Variants in DCX observed in about 807,000 individuals in gnomAD.
DCX encodes the protein neuronal migration protein doublecortin.
A neutral mutation model predicts 20.9 loss-of-function variants in DCX; 4 were observed. The observed-to-expected ratio is 0.19, with a 90% CI of 0.09 to 0.44. DCX has a LOEUF of 0.44. Among genes scored for constraint, DCX ranks in the 20% least tolerant of loss-of-function variants. DCX has a pLI of 0.99. For synonymous variants in DCX, 103 were observed against 111.4 expected (o/e 0.92, Z 0.47); for missense variants, 133 against 296.9 (o/e 0.45, Z 4.06).
At chrX:111,357,776 G>A (rs1001904550) in intron 3 of DCX, among the ~76,000 whole-genome samples, 2 of 106,311 alleles carry the variant, frequency 1.9e-5, no homozygotes, top group Admixed American at 2.0e-4. Flanking sequence ...AGCGAGGCAC[G>A]TCTCAAAAAG....
At chrX:111,336,394 T>G (rs1233011656) in intron 3 of DCX, among the ~76,000 whole-genome samples, 1 of 112,519 alleles carries the variant, frequency 8.9e-6, no homozygotes, top group East Asian at 2.8e-4. Flanking sequence ...ACAATCATGC[T>G]ACAATCCAGC....
intron 1 of DCX, chrX:111,411,246 C>G (rs1928693569): frequency 3.0e-6 from 1 of 330,728 alleles, no homozygotes; most frequent in Non-Finnish European, 5.3e-6. Context: ...TTTTCCCCCC[C>G]AGGTGCTCCA....
chrX:111,359,829 A>C (rs1204071655), intron 3 of DCX, among the ~76,000 whole-genome samples: 1 of 112,074 alleles, frequency 8.9e-6, no homozygotes, highest in Non-Finnish European at 1.9e-5. Context: ...CCACCAGACT[A>C]GTACAAATTT....
At position 111,410,090 on chromosome X, in the gene DCX, G is replaced by A; in HGVS notation, c.309C>T (p.Tyr103=). The A allele has an allele frequency of 8.3e-7, 1 of 1,211,724 alleles. No homozygotes were observed. The highest frequency in any genetic ancestry group is 1.1e-6 in the Non-Finnish European group (1 of 895,505). ...TCCTGGATCCATCAATGGTGTAAAT[G>A]TAACGCACTCCCTGAGGCAGGTTGA... ...DNINLPQGVR[Y]IYTIDGSRKI... The change falls in exon 2 of 7, where the codon TAC becomes TAT. Residue 103 remains tyrosine (Y), a synonymous_variant. Coordinates refer to ENST00000636035, the MANE Select transcript of DCX (RefSeq NM_001195553.2).
intron 3 of DCX, among the ~76,000 whole-genome samples, chrX:111,379,924 C>T (rs1418802659): frequency 2.7e-5 from 3 of 111,025 alleles, no homozygotes; most frequent in African/African-American, 9.8e-5. Flanking sequence ...TCATTGTAGT[C>T]TCGATTTGCA....
intron 5 of DCX, among the ~76,000 whole-genome samples, chrX:111,325,578 ATTG>A (rs2095097897): frequency 8.9e-6 from 1 of 112,410 alleles, no homozygotes; most frequent in African/African-American, 3.2e-5. Flanking sequence ...ACGTAAAAAG[ATTG>A]TTATCATGAA....
intron 3 of DCX, among the ~76,000 whole-genome samples, chrX:111,399,857 G>T (rs1294088920): frequency 9.0e-6 from 1 of 111,522 alleles, no homozygotes. Context: ...GTAGCTCTCA[G>T]ATCGCAAAAT....
intron 3 of DCX, among the ~76,000 whole-genome samples, chrX:111,382,902 A>C (rs1175719874): frequency 9.0e-6 from 1 of 111,273 alleles, no homozygotes; most frequent in Non-Finnish European, 1.9e-5. Flanking sequence ...GACAAAGAAT[A>C]ACTCAACAAT....
At chrX:111,391,529 A>C (rs1277955222) in intron 3 of DCX, among the ~76,000 whole-genome samples, 1 of 111,012 alleles carries the variant, frequency 9.0e-6, no homozygotes, top group East Asian at 2.8e-4. Flanking sequence ...TCTGCCCGGC[A>C]CCTTACCTGT....
intron 3 of DCX, among the ~76,000 whole-genome samples, chrX:111,392,586 T>G (rs1165716428): frequency 1.8e-5 from 2 of 111,465 alleles, no homozygotes; most frequent in Non-Finnish European, 3.8e-5. Context: ...GATTCATTTA[T>G]ACAAAATGTT....
intron 3 of DCX, among the ~76,000 whole-genome samples, chrX:111,343,914 A>T (rs1200670123): frequency 1.3e-4 from 14 of 111,118 alleles, no homozygotes; most frequent in African/African-American, 4.3e-4. Context: ...TCTGGGAGGC[A>T]GAGGTTGCAG....
chrX:111,307,470 A>C, intron 6 of DCX, among the ~76,000 whole-genome samples: 1 of 111,157 alleles, frequency 9.0e-6, no homozygotes, highest in East Asian at 2.8e-4. Flanking sequence ...CTTGCATATG[A>C]TGAAACAACA....
chrX:111,318,361 T>TATAATAATAATAATA (rs201675196), intron 5 of DCX, among the ~76,000 whole-genome samples: 27 of 100,084 alleles, frequency 2.7e-4, no homozygotes, highest in African/African-American at 8.5e-4. Context: ...AAACTTAAAG[T>TATAATAATAATAATA]ATAATAATAA....
Position 111,296,561 on chromosome X carries a change from T to C in DCX, c.*5126A>G. ...TGAGGCCAAGAGTTCAAGACCAGTCTGGCCAACATGGTGAAACCCCATCTC... is the reference window on the plus strand; with the variant it reads ...TGAGGCCAAGAGTTCAAGACCAGTCCGGCCAACATGGTGAAACCCCATCTC... On this transcript the variant is annotated 3_prime_UTR_variant, in exon 7 of 7. Transcript: ENST00000636035. 1 of 110,667 alleles carries C rather than the reference T, an allele frequency of 9.0e-6. No homozygotes were observed. The highest frequency in any genetic ancestry group is 3.9e-4 in the South Asian group (1 of 2,536). The allele number at this position is 110,667 out of a possible 1,213,427, so 9.1% of individuals were successfully genotyped here. A position where few individuals can be genotyped will look rare whatever the true frequency, so the allele number is the denominator to read the frequency against.
At chrX:111,341,968 T>C (rs942295188) in intron 3 of DCX, among the ~76,000 whole-genome samples, 4 of 109,577 alleles carry the variant, frequency 3.7e-5, no homozygotes, top group African/African-American at 1.3e-4. Flanking sequence ...CTGCATCAAA[T>C]AGTGTGCAAA....
intron 2 of DCX, among the ~76,000 whole-genome samples, chrX:111,402,907 GA>G (rs1241609893): frequency 1.8e-5 from 2 of 109,208 alleles, no homozygotes; most frequent in Non-Finnish European, 3.8e-5. Flanking sequence ...TTGACAGGGG[GA>G]CAAAGGGATG....
chrX:111,303,340 C>G (rs961063322), intron 6 of DCX, among the ~76,000 whole-genome samples: 1 of 110,116 alleles, frequency 9.1e-6, no homozygotes, highest in Admixed American at 9.8e-5. Context: ...CACCCCCACC[C>G]CCACCGCCTT....
In DCX at chrX:111,323,872, G is replaced by A. The variant is rs973856924; in HGVS notation, c.946+7032C>T. 2.2e-4 allele frequency among the ~76,000 whole-genome samples: 24 copies of A among 110,870 alleles called. No individual in the cohort carries two copies. The South Asian group carries it at 2.7e-3, about 13-fold the overall frequency. ...GCAGAAATATTGCTAAGGAGTCTGCGAAATAATCGAGACATCAGGTCATAA... is the reference window on the plus strand; with the variant it reads ...GCAGAAATATTGCTAAGGAGTCTGCAAAATAATCGAGACATCAGGTCATAA... On this transcript the variant is annotated intron_variant, in intron 5 of 6. Transcript: ENST00000636035.
chrX:111,357,338 C>T (rs1053656667), intron 3 of DCX, among the ~76,000 whole-genome samples: 11 of 112,037 alleles, frequency 9.8e-5, no homozygotes, highest in African/African-American at 2.3e-4. Flanking sequence ...GGACTCAATT[C>T]GTGGTTTCAA....
Sources: allele counts gnomAD v4.1 joint callset (sites outside exome capture counted in the v4.1 genomes callset), GRCh38; gene constraint gnomAD v4.1.1; transcripts MANE v1.5; gene names NCBI Gene and HGNC (gene_info 2026-07-23, HGNC 2026-07-21).